The following RBFOX1 variants were observed in gnomAD, a reference collection of about 807,000 sequenced individuals.
The protein encoded by RBFOX1 is RNA binding protein fox-1 homolog 1.
In RBFOX1, 8 loss-of-function variants were observed where a neutral mutation model predicts 57.7. That is an observed-to-expected ratio of 0.14 (90% confidence interval 0.08 to 0.25). The LOEUF (loss-of-function observed/expected upper bound fraction) is 0.25, where lower values mean the gene tolerates loss of function less well. Ranked by LOEUF, RBFOX1 falls within the 10% of genes least tolerant of loss-of-function variation. The pLI is 1.00. For missense variants in RBFOX1, 611 were observed against 548.5 expected, an observed-to-expected ratio of 1.11 and a Z score of -1.14; for synonymous variants, 326 against 222.4, an observed-to-expected ratio of 1.47 and a Z score of -4.15.
At chr16:5,941,659 C>T (rs2059280438) in intron 4 of RBFOX1, among the ~76,000 whole-genome samples, 1 of 152,054 alleles carries the variant, frequency 6.6e-6, no homozygotes, top group Non-Finnish European at 1.5e-5. Flanking sequence ...ACATGGAAGA[C>T]CTACTGGGGC....
intron 3 of RBFOX1, among the ~76,000 whole-genome samples, chr16:6,669,537 A>G (rs1347332070): frequency 6.6e-6 from 1 of 152,214 alleles, no homozygotes. Context: ...TTTAAGATAT[A>G]CAGCTTGACG....
At chr16:6,915,148 C>G (rs537129128) in intron 3 of RBFOX1, among the ~76,000 whole-genome samples, 6 of 152,192 alleles carry the variant, frequency 3.9e-5, no homozygotes, top group African/African-American at 1.4e-4. Flanking sequence ...GCTCTCCAGA[C>G]TCGGGGTCAA....
intron 1 of RBFOX1, among the ~76,000 whole-genome samples, chr16:5,454,893 T>TA (rs2068553353): frequency 1.6e-5 from 2 of 122,168 alleles, no homozygotes; most frequent in East Asian, 4.9e-4. Flanking sequence ...TTTCTTTCTT[T>TA]CTTTCTTTCT....
intron 1 of RBFOX1, among the ~76,000 whole-genome samples, chr16:6,282,843 C>T (rs754137220): frequency 2.0e-5 from 3 of 152,208 alleles, no homozygotes; most frequent in Non-Finnish European, 2.9e-5. Flanking sequence ...CTAATAATTT[C>T]TTGAGCATTT....
intron 1 of RBFOX1, among the ~76,000 whole-genome samples, chr16:5,318,847 T>C (rs1269827603): frequency 2.0e-5 from 3 of 151,794 alleles, no homozygotes; most frequent in Admixed American, 6.6e-5. Flanking sequence ...AAGCAGAGAG[T>C]TGGGGTTGGG....
intron 4 of RBFOX1, among the ~76,000 whole-genome samples, chr16:5,898,189 C>G (rs760322258): frequency 2.0e-5 from 3 of 152,104 alleles, no homozygotes; most frequent in Non-Finnish European, 4.4e-5. Context: ...TGTGAGAACT[C>G]ACTCACTCTC....
chr16:6,664,716 G>A (rs1335077172), intron 3 of RBFOX1, among the ~76,000 whole-genome samples: 1 of 152,234 alleles, frequency 6.6e-6, no homozygotes, highest in Admixed American at 6.5e-5. Context: ...AGGGATGGAA[G>A]TCAGTTCTGG....
At chr16:6,703,015 A>G (rs1219974446) in intron 3 of RBFOX1, among the ~76,000 whole-genome samples, 2 of 152,200 alleles carry the variant, frequency 1.3e-5, no homozygotes, top group African/African-American at 4.8e-5. Context: ...GTGGAATCAT[A>G]TGGCCCTTGT....
rs114787556 is a variant in RBFOX1, at chr16:5,345,706, C to T, written c.219+105601C>T. Among the ~76,000 whole-genome samples, 653 of 152,260 alleles carry T rather than the reference C, an allele frequency of 4.3e-3. 4 individuals carry two copies. Among genetic ancestry groups the T allele is most frequent in the African/African-American group, 0.015 (625 of 41,524 alleles). On this transcript the variant is annotated intron_variant, in intron 1 of 2. Transcript: ENST00000585867. ...TCTCTTTCCGATGCATGGGAGAAGC[C>T]ATCTCTTTCCGATGCATGGGAGAGA...
chr16:7,539,069 G>C (rs1425537690), intron 5 of RBFOX1, among the ~76,000 whole-genome samples: 1 of 152,174 alleles, frequency 6.6e-6, no homozygotes, highest in Non-Finnish European at 1.5e-5. Flanking sequence ...TGCTATGTCT[G>C]CCTCAGTCTG....
chr16:6,497,800 A>G (rs754210877), intron 2 of RBFOX1, among the ~76,000 whole-genome samples: 1 of 151,894 alleles, frequency 6.6e-6, no homozygotes, highest in African/African-American at 2.4e-5. Flanking sequence ...CAAGTGATCC[A>G]CCCATCTCAG....
intron 1 of RBFOX1, among the ~76,000 whole-genome samples, chr16:5,442,297 C>T (rs2068108312): frequency 1.3e-5 from 2 of 152,234 alleles, no homozygotes; most frequent in Admixed American, 1.3e-4. Flanking sequence ...AGCAGCAGCC[C>T]ATTCATGCGG....
chr16:5,731,204 C>A (rs565718031), intron 3 of RBFOX1, among the ~76,000 whole-genome samples: 1 of 150,958 alleles, frequency 6.6e-6, no homozygotes, highest in African/African-American at 2.5e-5. Context: ...TCACCGTTAT[C>A]ATCAAGATCA....
intron 4 of RBFOX1, among the ~76,000 whole-genome samples, chr16:7,199,278 A>C (rs1442773558): frequency 2.0e-5 from 3 of 152,200 alleles, no homozygotes; most frequent in East Asian, 1.9e-4. Context: ...AAATACACCA[A>C]AGTGCCCTTT....
intron 1 of RBFOX1, among the ~76,000 whole-genome samples, chr16:5,390,350 A>G (rs973548620): frequency 4.7e-5 from 7 of 147,848 alleles, no homozygotes; most frequent in Admixed American, 2.1e-4. Flanking sequence ...GTGCAATGGC[A>G]TGATTTCAGC....
At chr16:7,431,183 A>C (rs370308482) in intron 4 of RBFOX1, 11 of 152,076 alleles carry the variant, frequency 7.2e-5, no homozygotes, top group African/African-American at 2.7e-4. Flanking sequence ...TCCTTACCTT[A>C]ACTCTAACAA....
At chr16:5,764,392 C>T (rs1309487386) in intron 3 of RBFOX1, among the ~76,000 whole-genome samples, 1 of 152,198 alleles carries the variant, frequency 6.6e-6, no homozygotes, top group African/African-American at 2.4e-5. Flanking sequence ...AGCACCCAGC[C>T]TCTTGTAAAG....
chr16:7,133,749 A>G (rs905184044), intron 4 of RBFOX1, among the ~76,000 whole-genome samples: 1 of 152,196 alleles, frequency 6.6e-6, no homozygotes, highest in African/African-American at 2.4e-5. Flanking sequence ...AGAATAACAC[A>G]TCATTAAGAA....
chr16:6,511,865 G>C (rs2096261876), intron 2 of RBFOX1, among the ~76,000 whole-genome samples: 1 of 152,114 alleles, frequency 6.6e-6, no homozygotes. Context: ...TCTTGATTCA[G>C]TAGGAAACCA....
Sources: allele counts gnomAD v4.1 joint callset (sites outside exome capture counted in the v4.1 genomes callset), GRCh38; gene constraint gnomAD v4.1.1; transcripts MANE v1.5; gene names NCBI Gene and HGNC (gene_info 2026-07-23, HGNC 2026-07-21).